The following WSB1 variants were observed in gnomAD, a reference collection of about 807,000 sequenced individuals.
The protein encoded by WSB1 is WD repeat and SOCS box-containing protein 1.
In WSB1, 23 loss-of-function variants were observed where a neutral mutation model predicts 50.2. The ratio of observed to expected loss-of-function variants is 0.46; its 90% CI spans 0.33 to 0.65. WSB1 has a LOEUF of 0.65. Ranked by LOEUF, WSB1 falls within the 30% of genes least tolerant of loss-of-function variation. WSB1 has a pLI of 0.02. For synonymous variants in WSB1, 179 were observed against 172.0 expected (o/e 1.04, Z -0.32); for missense variants, 492 against 522.3 (o/e 0.94, Z 0.56).
At chr17:27,302,156 A>G (rs2017257148) in intron 2 of WSB1, 200 bp downstream of exon 2, 1 of 606,560 alleles carries the variant, frequency 1.6e-6, no homozygotes. Flanking sequence ...CAGGCCTATA[A>G]TCCCAGCACT....
chr17:27,296,230 CTCTTT>C (rs757799167), intron 1 of WSB1, among the ~76,000 whole-genome samples: 4 of 151,654 alleles, frequency 2.6e-5, no homozygotes, highest in Non-Finnish European at 5.9e-5. Context: ...CCCCTGATTT[CTCTTT>C]TCTTTTCTTT....
intron 5 of WSB1, 74 bp downstream of exon 5, chr17:27,306,956 A>G (rs759112095): frequency 2.1e-6 from 3 of 1,431,034 alleles, no homozygotes; most frequent in Non-Finnish European, 2.0e-6. Flanking sequence ...TTTAAATCTA[A>G]GTAACCTATG....
In WSB1 at chr17:27,294,403, G is replaced by A. The variant is rs11550663; in HGVS notation, c.8G>A (p.Ser3Asn). MA[S>N]FPPRVNEKEI... is the part of the protein sequence containing the mutation. ...TCAGACGGTGCCCCATAGATGGCCA[G>A]CTTTCCCCCGAGGGTCAACGAGAAA... The change falls in exon 1 of 9, where the codon AGC (serine) becomes AAC (asparagine). Residue 3 changes from serine (S) to asparagine (N), a missense_variant. Transcript: ENST00000262394. 5 of 1,613,738 alleles carry A rather than the reference G, an allele frequency of 3.1e-6. No homozygotes were observed. Among genetic ancestry groups the A allele is most frequent in the Non-Finnish European group, 4.2e-6 (5 of 1,179,828 alleles).
intron 1 of WSB1, among the ~76,000 whole-genome samples, chr17:27,294,693 C>T (rs2016875318): frequency 6.6e-6 from 1 of 152,176 alleles, no homozygotes; most frequent in South Asian, 2.1e-4. Context: ...GTTTCTTCGT[C>T]GGAGGTCCGC....
rs1026402799 is a variant in WSB1 at position 27,294,205 on chromosome 17, G to A, written c.-191G>A. On this transcript the variant is annotated 5_prime_UTR_variant, in exon 1 of 9. Transcript: ENST00000262394. ...GGGTCTATTGTCTGTGGTTGACTCC[G>A]TACTTTGGTCTGAGGCCTTCGGGAG... 6.4e-6 allele frequency: 4 copies of A among 622,784 alleles called. No homozygotes were observed. The highest frequency in any genetic ancestry group is 5.6e-5 in the African/African-American group (3 of 53,648). The allele number at this position is 622,784 out of a possible 1,614,324, so 38.6% of individuals were successfully genotyped here.
chr17:27,294,920 T>TA (rs1243640358), intron 1 of WSB1, among the ~76,000 whole-genome samples: 1 of 152,210 alleles, frequency 6.6e-6, no homozygotes, highest in Non-Finnish European at 1.5e-5. Flanking sequence ...ACAGTATTTT[T>TA]AAAATGGTGT....
chr17:27,306,821 T>C lies in WSB1; in HGVS notation c.650T>C (p.Val217Ala). The change falls in exon 5 of 9, where the codon GTG (valine) becomes GCG (alanine). Residue 217 changes from valine (V) to alanine (A), a missense_variant. By Grantham distance (64) the Val-to-Ala change is moderately conservative (BLOSUM62 0). Transcript: ENST00000262394. ...GTATTGAGGGGGCATCAGAATTGGG[T>C]GTACAGCTGTGCATTCTCTCCTGAC... Reference protein sequence around the residue: ...MKVLRGHQNWVYSCAFSPDSS... With the variant: ...MKVLRGHQNWAYSCAFSPDSS... 1 of 1,614,214 alleles carries C rather than the reference T, an allele frequency of 6.2e-7. No homozygotes were observed. Among genetic ancestry groups the C allele is most frequent in the Non-Finnish European group, 8.5e-7 (1 of 1,180,044 alleles).
intron 5 of WSB1, chr17:27,307,211 T>C (rs76329864): frequency 4.4e-6 from 1 of 227,034 alleles, no homozygotes; most frequent in Non-Finnish European, 8.6e-6. Flanking sequence ...TTCTTCTCTG[T>C]TGTTCTATTT....
In WSB1 at chr17:27,312,486, T is replaced by A; in HGVS notation, c.*117T>A. On this transcript the variant is annotated 3_prime_UTR_variant, in exon 9 of 9. Transcript: ENST00000262394. ...CGTAGAAGATTTATTTAATTTGATA[T>A]GTTCTTGTACTGCATTTTGATCAGT... 7.2e-7 allele frequency: 1 copy of A among 1,380,880 alleles called. No individual in the cohort carries two copies. The highest frequency in any genetic ancestry group is 9.9e-7 in the Non-Finnish European group (1 of 1,006,044). The allele number at this position is 1,380,880 out of a possible 1,614,324, so 85.5% of individuals were successfully genotyped here. A position where few individuals can be genotyped will look rare whatever the true frequency, so the allele number is the denominator to read the frequency against.
Position 27,314,575 on chromosome 17 carries a change from A to G in WSB1, c.*2206A>G, listed in dbSNP as rs757027790. The G allele has an allele frequency of 6.6e-6, 1 of 152,190 alleles. No individual in the cohort carries two copies. The highest frequency in any genetic ancestry group is 1.5e-5 in the Non-Finnish European group (1 of 68,020). 9.4% of individuals were successfully genotyped at this position (152,190 alleles called of 1,614,324 possible). A position where few individuals can be genotyped will look rare whatever the true frequency, so the allele number is the denominator to read the frequency against. On this transcript the variant is annotated 3_prime_UTR_variant, in exon 9 of 9. Transcript: ENST00000262394. ...TGGGTGACAGAGTAAGACTCTAAAT[A>G]AATAAGATACCATTACTTTTCATAT...
intron 3 of WSB1, 187 bp downstream of exon 3, chr17:27,303,822 G>A (rs2150835212): frequency 1.5e-6 from 1 of 681,902 alleles, no homozygotes; most frequent in Non-Finnish European, 2.4e-6. Flanking sequence ...GGAAAACTAT[G>A]GAGTTCATAT....
At chr17:27,306,221 TTTTTTTTTTG>T (rs2017448611) in intron 4 of WSB1, among the ~76,000 whole-genome samples, 1 of 141,908 alleles carries the variant, frequency 7.0e-6, no homozygotes. Context: ...TTTTTTTTTT[TTTTTTTTTTG>T]AGATGGAGTC....
rs907584734 is a variant in WSB1 at position 27,312,624 on chromosome 17, T to A, written c.*255T>A. ...ATACATACCTGTACATATTTAGATA[T>A]AAGCTGCTATATGTTGAATGGACCC... On this transcript the variant is annotated 3_prime_UTR_variant, in exon 9 of 9. Transcript: ENST00000262394. 3 of 394,708 alleles carry A rather than the reference T, an allele frequency of 7.6e-6. No individual in the cohort carries two copies. The highest frequency in any genetic ancestry group is 7.0e-5 in the South Asian group (2 of 28,506). The allele number at this position is 394,708 out of a possible 1,614,324, so 24.5% of individuals were successfully genotyped here.
intron 5 of WSB1, chr17:27,308,004 C>T (rs1323694852): frequency 8.2e-7 from 1 of 1,223,298 alleles, no homozygotes; most frequent in Non-Finnish European, 1.0e-6. Context: ...AATACACTGA[C>T]TCCTGAGTAA....
chr17:27,306,817 T>C lies in WSB1; in HGVS notation c.646T>C (p.Trp216Arg). The C allele has an allele frequency of 6.2e-7, 1 of 1,614,190 alleles. No homozygotes were observed. Among genetic ancestry groups the C allele is most frequent in the South Asian group, 1.1e-5 (1 of 91,088 alleles). Reference protein sequence around the residue: ...MMKVLRGHQNWVYSCAFSPDS... With the variant: ...MMKVLRGHQNRVYSCAFSPDS... The stretch of plus-strand genomic sequence containing the variant: ...GAAAGTATTGAGGGGGCATCAGAAT[T>C]GGGTGTACAGCTGTGCATTCTCTCC... Residue 216 changes from tryptophan (W) to arginine (R), a missense_variant, in exon 5 of 9, where the codon TGG becomes CGG. Trp to Arg is a moderately radical substitution (Grantham distance 101, BLOSUM62 -3). Coordinates refer to ENST00000262394, the MANE Select transcript of WSB1 (RefSeq NM_015626.10).
At chr17:27,309,303 AATTC>A (rs1363167177) in intron 6 of WSB1, 31 bp downstream of exon 6, 1 of 1,480,352 alleles carries the variant, frequency 6.8e-7, no homozygotes, top group Non-Finnish European at 9.1e-7. Context: ...TTTAGTCTAT[AATTC>A]ATCTCCACCT....
intron 1 of WSB1, among the ~76,000 whole-genome samples, chr17:27,298,174 T>G (rs1041621937): frequency 1.3e-5 from 2 of 151,060 alleles, no homozygotes; most frequent in African/African-American, 2.4e-5. Context: ...ATTTAAGTCT[T>G]GCTTATGCTT....
At chr17:27,307,030 T>C (rs866903024) in intron 5 of WSB1, 148 bp downstream of exon 5, 2 of 734,438 alleles carry the variant, frequency 2.7e-6, no homozygotes, top group Non-Finnish European at 2.2e-6. Context: ...AGAATTTGCA[T>C]GAAGGAAATT....
In WSB1 at chr17:27,306,813, G is replaced by T. The variant is rs751956041; in HGVS notation, c.642G>T (p.Gln214His). ...GNMMKVLRGH[Q>H]NWVYSCAFSP... ...TGATGAAAGTATTGAGGGGGCATCA[G>T]AATTGGGTGTACAGCTGTGCATTCT... is the stretch of plus-strand genomic sequence containing the variant. The change falls in exon 5 of 9, where the codon CAG (glutamine) becomes CAT (histidine). Residue 214 changes from glutamine (Q) to histidine (H), a missense_variant. Coordinates refer to ENST00000262394, the MANE Select transcript of WSB1 (RefSeq NM_015626.10). 3 of 1,614,204 alleles carry T rather than the reference G, an allele frequency of 1.9e-6. No individual in the cohort carries two copies. The highest frequency in any genetic ancestry group is 2.5e-6 in the Non-Finnish European group (3 of 1,180,030).
Sources: gnomAD v4.1 joint callset for allele counts (sites outside exome capture counted in the v4.1 genomes callset) on GRCh38, gnomAD v4.1.1 for gene constraint, MANE v1.5 for transcripts, NCBI Gene and HGNC (gene_info 2026-07-23, HGNC 2026-07-21) for gene names.